The following OSBPL8 variants were observed in gnomAD, a reference collection of about 807,000 sequenced individuals.
The protein encoded by OSBPL8 is oxysterol binding protein like 8, also known as oxysterol-binding protein-related protein 8.
In OSBPL8, 59 loss-of-function variants were observed where a neutral mutation model predicts 125.5. The observed-to-expected ratio is 0.47, with a 90% CI of 0.38 to 0.58. The LOEUF is 0.58. Ranked by LOEUF, OSBPL8 falls within the 20% of genes least tolerant of loss-of-function variation. The probability of loss-of-function intolerance (pLI) is 0.00; values close to 1 mark genes in which losing one functional copy is unlikely to be tolerated. For synonymous variants in OSBPL8, 330 were observed against 338.9 expected (o/e 0.97, Z 0.29); for missense variants, 758 against 1,047.8 (o/e 0.72, Z 3.82).
chr12:76,469,716 T>C (rs1469226067), intron 2 of OSBPL8, among the ~76,000 whole-genome samples: 2 of 152,202 alleles, frequency 1.3e-5, no homozygotes, highest in African/African-American at 4.8e-5. Flanking sequence ...CCCTGCTTTA[T>C]TTTTCGTCAC....
intron 21 of OSBPL8, among the ~76,000 whole-genome samples, chr12:76,360,206 C>G (rs368212897): frequency 9.2e-5 from 14 of 152,218 alleles, no homozygotes; most frequent in East Asian, 3.8e-4. Context: ...GTAAATACAA[C>G]TGTTCCAAAT....
intron 18 of OSBPL8, 103 bp from the exon 19 acceptor site, chr12:76,371,687 A>C (rs926085613): frequency 2.2e-5 from 23 of 1,058,090 alleles, no homozygotes; most frequent in Middle Eastern, 6.8e-4. Flanking sequence ...TTAATCCTCC[A>C]GTTAAAAGCA....
chr12:76,468,743 T>A (rs1277262089), intron 2 of OSBPL8, among the ~76,000 whole-genome samples: 1 of 152,212 alleles, frequency 6.6e-6, no homozygotes, highest in Non-Finnish European at 1.5e-5. Flanking sequence ...TACAAATAAA[T>A]AAATAATTCA....
At chr12:76,544,833 C>T (rs1388944559) in intron 1 of OSBPL8, among the ~76,000 whole-genome samples, 1 of 151,276 alleles carries the variant, frequency 6.6e-6, no homozygotes, top group Non-Finnish European at 1.5e-5. Context: ...TACTTAAACA[C>T]TGAGTCTAAA....
intron 1 of OSBPL8, among the ~76,000 whole-genome samples, chr12:76,528,185 G>A (rs1950229874): frequency 6.6e-6 from 1 of 152,080 alleles, no homozygotes; most frequent in African/African-American, 2.4e-5. Context: ...GCTGGGCATG[G>A]TGGCACATGC....
intron 4 of OSBPL8, among the ~76,000 whole-genome samples, chr12:76,428,593 A>T (rs1351890886): frequency 6.6e-6 from 1 of 152,086 alleles, no homozygotes; most frequent in East Asian, 1.9e-4. Flanking sequence ...GCTTTAAGAG[A>T]TTTTAAAATC....
chr12:76,482,859 T>C (rs544951009), intron 2 of OSBPL8, among the ~76,000 whole-genome samples: 41 of 152,364 alleles, frequency 2.7e-4, no homozygotes, highest in East Asian at 9.6e-4. Flanking sequence ...TATAGAAAGA[T>C]AGATTTAATC....
intron 1 of OSBPL8, among the ~76,000 whole-genome samples, chr12:76,555,882 CA>C (rs1379264831): frequency 5.3e-5 from 8 of 151,956 alleles, no homozygotes; most frequent in Admixed American, 5.2e-4. Flanking sequence ...CATAATGTTA[CA>C]AAAAAAGACT....
chr12:76,466,185 G>C (rs543495549), intron 2 of OSBPL8, among the ~76,000 whole-genome samples: 1 of 152,102 alleles, frequency 6.6e-6, no homozygotes, highest in African/African-American at 2.4e-5. Context: ...TTAGGAGGTA[G>C]GATTTTACTT....
At chr12:76,521,711 T>C (rs1479187550) in intron 1 of OSBPL8, among the ~76,000 whole-genome samples, 1 of 152,192 alleles carries the variant, frequency 6.6e-6, no homozygotes, top group African/African-American at 2.4e-5. Flanking sequence ...GCAAATACTC[T>C]ATGATTCCAC....
intron 1 of OSBPL8, among the ~76,000 whole-genome samples, chr12:76,547,238 C>G (rs906794307): frequency 5.9e-5 from 9 of 152,274 alleles, no homozygotes; most frequent in Admixed American, 1.3e-4. Context: ...GATTTGCATT[C>G]TGCCAATGCA....
intron 21 of OSBPL8, among the ~76,000 whole-genome samples, chr12:76,362,085 G>A (rs993192194): frequency 2.0e-5 from 3 of 152,084 alleles, no homozygotes; most frequent in Non-Finnish European, 4.4e-5. Context: ...TAAGCAGGCA[G>A]GTTTGGCCCA....
Position 76,400,578 on chromosome 12 carries a change from G to A in OSBPL8, c.367-604C>T, listed in dbSNP as rs182550259. Among the ~76,000 whole-genome samples, 361 of 152,130 alleles carry A rather than the reference G, an allele frequency of 2.4e-3. 2 individuals carry two copies. The highest frequency in any genetic ancestry group is 6.8e-3 in the Middle Eastern group (2 of 294). On this transcript the variant is annotated intron_variant, in intron 6 of 23. Transcript: ENST00000261183. Reference sequence around the variant, plus strand: ...TAGGTCTTTGTGGAATCACCACACTGTCTTTTATCCTAATCTAGTATTCTA... The same window carrying A: ...TAGGTCTTTGTGGAATCACCACACTATCTTTTATCCTAATCTAGTATTCTA...
intron 21 of OSBPL8, among the ~76,000 whole-genome samples, chr12:76,365,220 G>A (rs1211218868): frequency 6.6e-6 from 1 of 152,180 alleles, no homozygotes; most frequent in Non-Finnish European, 1.5e-5. Flanking sequence ...GAGGTTACAG[G>A]CATGAGCCAC....
At chr12:76,508,781 C>T (rs145886034) in intron 1 of OSBPL8, among the ~76,000 whole-genome samples, 2,051 of 152,300 alleles carry the variant, frequency 0.013, 17 homozygotes, top group Middle Eastern at 0.061. Context: ...GCCACGGCAA[C>T]ATCAGCAAGT....
chr12:76,390,352 C>G, intron 11 of OSBPL8, 68 bp downstream of exon 11: 1 of 1,178,792 alleles, frequency 8.5e-7, no homozygotes, highest in Non-Finnish European at 1.2e-6. Context: ...CAAATAATAT[C>G]TTCAATTTCA....
chr12:76,384,790 G>C (rs955185921), intron 14 of OSBPL8, among the ~76,000 whole-genome samples: 1 of 152,186 alleles, frequency 6.6e-6, no homozygotes, highest in African/African-American at 2.4e-5. Flanking sequence ...ACCTGGACGT[G>C]AATCTTCCAG....
chr12:76,434,054 A>G (rs1871170641), intron 4 of OSBPL8, among the ~76,000 whole-genome samples: 1 of 152,116 alleles, frequency 6.6e-6, no homozygotes, highest in South Asian at 2.1e-4. Flanking sequence ...ATCTTGATCA[A>G]GAAGAAGAAA....
At position 76,448,406 on chromosome 12, in the gene OSBPL8, C is replaced by T. The variant is rs149244081; in HGVS notation, c.217+2445G>A. Among the ~76,000 whole-genome samples, 288 of 152,154 alleles carry T rather than the reference C, an allele frequency of 1.9e-3. 2 individuals are homozygous for T. Among genetic ancestry groups the T allele is most frequent in the African/African-American group, 6.6e-3 (273 of 41,520 alleles). On this transcript the variant is annotated intron_variant, in intron 4 of 23. Transcript: ENST00000261183. ...AAATATTCTAGTGCACAGATACATG[C>T]ATCAGAGAAACCATATCTATTATAG...
Sources: gnomAD v4.1 joint callset for allele counts (sites outside exome capture counted in the v4.1 genomes callset) on GRCh38, gnomAD v4.1.1 for gene constraint, MANE v1.5 for transcripts, NCBI Gene and HGNC (gene_info 2026-07-23, HGNC 2026-07-21) for gene names.